GRM7: variants seen among roughly 807,000 people sequenced by gnomAD.
GRM7 encodes glutamate metabotropic receptor 7.
A neutral mutation model predicts 84.5 loss-of-function variants in GRM7; 35 were observed. The ratio of observed to expected loss-of-function variants is 0.41; its 90% CI spans 0.32 to 0.55. The LOEUF (loss-of-function observed/expected upper bound fraction) is 0.55, where lower values mean the gene tolerates loss of function less well. Ranked by LOEUF, GRM7 falls within the 20% of genes least tolerant of loss-of-function variation. The pLI, the probability that GRM7 is intolerant of heterozygous loss-of-function variation, is 0.19. For missense variants in GRM7, 1,003 were observed against 1,194.6 expected (o/e 0.84, Z 2.36); for synonymous variants, 487 against 455.1 (o/e 1.07, Z -0.89).
intron 9 of GRM7, among the ~76,000 whole-genome samples, chr3:7,704,620 C>T (rs1166507085): frequency 6.6e-6 from 1 of 152,154 alleles, no homozygotes; most frequent in Non-Finnish European, 1.5e-5. Context: ...ATACACTGCA[C>T]TGTTGTCATG....
At chr3:7,022,311 T>G in intron 1 of GRM7, among the ~76,000 whole-genome samples, 1 of 142,122 alleles carries the variant, frequency 7.0e-6, no homozygotes, top group Non-Finnish European at 1.5e-5. Context: ...AGTGAGAGAG[T>G]GAGACTCTGG....
chr3:7,031,648 G>A (rs1696188150), intron 1 of GRM7, among the ~76,000 whole-genome samples: 1 of 151,952 alleles, frequency 6.6e-6, no homozygotes, highest in African/African-American at 2.4e-5. Flanking sequence ...ACTTTTTCAT[G>A]ATGTTACTCC....
intron 1 of GRM7, among the ~76,000 whole-genome samples, chr3:6,951,119 ATCT>A (rs1019794904): frequency 8.5e-5 from 13 of 152,186 alleles, no homozygotes; most frequent in African/African-American, 3.1e-4. Context: ...GAAATCACCC[ATCT>A]TCTGCGTCGC....
chr3:7,168,911 A>G (rs567597388), intron 2 of GRM7, among the ~76,000 whole-genome samples: 234 of 152,330 alleles, frequency 1.5e-3, no homozygotes, highest in Non-Finnish European at 1.9e-3. Context: ...CATATCAAAT[A>G]AAGGAAGAAA....
chr3:7,694,071 G>A (rs1464445253), intron 9 of GRM7, among the ~76,000 whole-genome samples: 1 of 152,076 alleles, frequency 6.6e-6, no homozygotes, highest in Non-Finnish European at 1.5e-5. Flanking sequence ...GCATTCATGG[G>A]GGGTTCTGAC....
intron 4 of GRM7, among the ~76,000 whole-genome samples, chr3:7,371,187 A>G (rs1694115720): frequency 6.6e-6 from 1 of 152,130 alleles, no homozygotes; most frequent in Non-Finnish European, 1.5e-5. Flanking sequence ...TGCAGACCAC[A>G]ATAGAGTGAC....
chr3:7,222,945 A>G (rs1465645327), intron 2 of GRM7, among the ~76,000 whole-genome samples: 4 of 152,202 alleles, frequency 2.6e-5, no homozygotes, highest in Non-Finnish European at 4.4e-5. Flanking sequence ...AAATGACAGC[A>G]TATCTGGATA....
At chr3:7,401,843 C>A (rs994587878) in intron 4 of GRM7, among the ~76,000 whole-genome samples, 6 of 152,052 alleles carry the variant, frequency 3.9e-5, no homozygotes, top group Non-Finnish European at 5.9e-5. Flanking sequence ...ATCCCCACGT[C>A]AATATTAGTT....
At chr3:7,345,264 A>T (rs79507418) in intron 4 of GRM7, among the ~76,000 whole-genome samples, 105 of 151,744 alleles carry the variant, frequency 6.9e-4, no homozygotes, top group African/African-American at 2.5e-3. Context: ...TCATATCTTA[A>T]CAATTATTCC....
Position 6,872,244 on chromosome 3 carries a change from G to A in GRM7, c.519+10337G>A, listed in dbSNP as rs1005501475. Among the ~76,000 whole-genome samples, 4 of 152,100 alleles carry A rather than the reference G, an allele frequency of 2.6e-5. No homozygotes were observed. In the South Asian group the frequency reaches 6.2e-4, roughly 24 times the overall value. ...ACTTATATGCTAATCATTGCACCCTGTTTCATTGAGAAGATTATCACAAAA... is the reference window on the plus strand; with the variant it reads ...ACTTATATGCTAATCATTGCACCCTATTTCATTGAGAAGATTATCACAAAA... On this transcript the variant is annotated intron_variant, in intron 1 of 9. Transcript: ENST00000357716.
chr3:7,375,106 G>C (rs1160036445), intron 4 of GRM7, among the ~76,000 whole-genome samples: 1 of 151,630 alleles, frequency 6.6e-6, no homozygotes, highest in East Asian at 1.9e-4. Flanking sequence ...ATCATGACTT[G>C]AATTTGAAAT....
At chr3:7,089,337 G>T (rs1303051431) in intron 1 of GRM7, among the ~76,000 whole-genome samples, 1 of 152,164 alleles carries the variant, frequency 6.6e-6, no homozygotes, top group East Asian at 1.9e-4. Context: ...ATCAGCTATA[G>T]TTCCATATAA....
At chr3:7,277,303 C>G (rs1559547544) in intron 2 of GRM7, among the ~76,000 whole-genome samples, 1 of 150,688 alleles carries the variant, frequency 6.6e-6, no homozygotes, top group African/African-American at 2.4e-5. Context: ...ATTAATAATG[C>G]TTTTTTTTTA....
At chr3:6,949,195 G>A (rs964416101) in intron 1 of GRM7, among the ~76,000 whole-genome samples, 31 of 152,248 alleles carry the variant, frequency 2.0e-4, no homozygotes, top group Admixed American at 1.1e-3. Flanking sequence ...GGCTGGTACC[G>A]GTTGTTCCTT....
chr3:7,409,920 C>T (rs575257682), intron 4 of GRM7, among the ~76,000 whole-genome samples: 5 of 152,150 alleles, frequency 3.3e-5, no homozygotes, highest in African/African-American at 9.6e-5. Flanking sequence ...TTTTTAGTTG[C>T]TTTTTCAAGG....
rs1156426375 is a variant in GRM7 at position 7,077,962 on chromosome 3, T to C, written c.520-68490T>C. The stretch of plus-strand genomic sequence containing the variant: ...GAAAAGAACCAGATAATAAATATAG[T>C]AGGCTTTGCTGGCCACACTGTTTCT... On this transcript the variant is annotated intron_variant, in intron 1 of 9. Coordinates refer to ENST00000357716, the MANE Select transcript of GRM7 (RefSeq NM_000844.4). 4.6e-5 allele frequency among the ~76,000 whole-genome samples: 7 copies of C among 150,852 alleles called. No homozygotes were observed. In the East Asian group the frequency reaches 1.2e-3, roughly 25 times the overall value.
At chr3:7,010,395 A>C (rs1343111908) in intron 1 of GRM7, among the ~76,000 whole-genome samples, 1 of 152,254 alleles carries the variant, frequency 6.6e-6, no homozygotes, top group Non-Finnish European at 1.5e-5. Context: ...CAGAGGTTGC[A>C]GTGAACCAAC....
chr3:7,036,049 T>G (rs574500348), intron 1 of GRM7, among the ~76,000 whole-genome samples: 2 of 152,308 alleles, frequency 1.3e-5, no homozygotes, highest in Admixed American at 6.5e-5. Context: ...CTGAGAGAGA[T>G]AAATTAACTT....
Position 7,298,725 on chromosome 3 carries a change from C to T in GRM7, c.778C>T (p.Arg260Cys), listed in dbSNP as rs754807278. ...IAQSVRIPQE[R>C]KDRTIDFDRI... ...CCAGTCCGTGAGAATCCCCCAGGAACGCAAAGACAGGACCATTGACTTTGA... is the reference window on the plus strand; with the variant it reads ...CCAGTCCGTGAGAATCCCCCAGGAATGCAAAGACAGGACCATTGACTTTGA... The change falls in exon 3 of 10, where the codon CGC (arginine) becomes TGC (cysteine). Residue 260 changes from arginine (R) to cysteine (C), a missense_variant. Arg to Cys is a radical substitution (Grantham distance 180). Coordinates refer to ENST00000357716, the MANE Select transcript of GRM7 (RefSeq NM_000844.4). 26 of 1,612,958 alleles carry T rather than the reference C, an allele frequency of 1.6e-5. No homozygotes were observed. In the South Asian group the frequency reaches 1.6e-4, roughly 10 times the overall value.
Sources: gnomAD v4.1 joint callset for allele counts (sites outside exome capture counted in the v4.1 genomes callset) on GRCh38, gnomAD v4.1.1 for gene constraint, MANE v1.5 for transcripts, NCBI Gene and HGNC (gene_info 2026-07-23, HGNC 2026-07-21) for gene names.